CYB5A: variants seen among roughly 807,000 people sequenced by gnomAD.
The protein encoded by CYB5A is cytochrome b5.
Under a neutral mutation model 16.2 loss-of-function variants are expected in CYB5A, and 10 were observed. The observed-to-expected ratio is 0.62, with a 90% CI of 0.38 to 1.04. CYB5A has a LOEUF of 1.04. Ranked by LOEUF, CYB5A falls within the 50% of genes least tolerant of loss-of-function variation. The probability of loss-of-function intolerance (pLI) is 0.01; values close to 1 mark genes in which losing one functional copy is unlikely to be tolerated. For synonymous variants in CYB5A, 62 were observed against 57.0 expected, an observed-to-expected ratio of 1.09 and a Z score of -0.40; for missense variants, 161 against 165.9, an observed-to-expected ratio of 0.97 and a Z score of 0.16.
At chr18:74,291,208 G>A (rs1983520683) in intron 1 of CYB5A, among the ~76,000 whole-genome samples, 1 of 152,244 alleles carries the variant, frequency 6.6e-6, no homozygotes, top group Admixed American at 6.5e-5. Context: ...CTGCGGGAAT[G>A]CCGCCGGTCC....
intron 1 of CYB5A, among the ~76,000 whole-genome samples, chr18:74,283,326 A>G (rs1265343215): frequency 6.6e-6 from 1 of 152,056 alleles, no homozygotes; most frequent in East Asian, 1.9e-4. Context: ...CCTCACACAT[A>G]CCCACTACAC....
At position 74,262,765 on chromosome 18, in the gene CYB5A, C is replaced by T. The variant is rs1432739044; in HGVS notation, c.258+584G>A. Among the ~76,000 whole-genome samples the T allele has an allele frequency of 2.6e-5, 4 of 152,234 alleles. No individual in the cohort carries two copies. The South Asian group carries it at 6.2e-4, about 24-fold the overall frequency. ...GGTTGATTCTCCCCACCTTGTAAAA[C>T]GTGCTGCCCCATGGAATTTCTAGGA... is the stretch of plus-strand genomic sequence containing the variant. On this transcript the variant is annotated intron_variant, in intron 2 of 4. Coordinates refer to ENST00000340533, the MANE Select transcript of CYB5A (RefSeq NM_148923.4).
intron 1 of CYB5A, among the ~76,000 whole-genome samples, chr18:74,286,311 AT>A (rs1983317613): frequency 6.6e-6 from 1 of 152,230 alleles, no homozygotes; most frequent in African/African-American, 2.4e-5. Flanking sequence ...AAATGGGATG[AT>A]TTCCAATCTT....
chr18:74,272,212 CT>C (rs1377042203), intron 1 of CYB5A, among the ~76,000 whole-genome samples: 3 of 152,128 alleles, frequency 2.0e-5, no homozygotes, highest in African/African-American at 7.2e-5. Context: ...TCCTAAGCAA[CT>C]TTTTTGTTCT....
intron 1 of CYB5A, among the ~76,000 whole-genome samples, chr18:74,289,091 C>T (rs1419894768): frequency 5.3e-5 from 8 of 152,216 alleles, no homozygotes; most frequent in Non-Finnish European, 1.2e-4. Context: ...AGACCCCAGC[C>T]TCCTCACTCA....
chr18:74,282,706 G>C (rs925277517), intron 1 of CYB5A, among the ~76,000 whole-genome samples: 4 of 152,216 alleles, frequency 2.6e-5, no homozygotes, highest in Non-Finnish European at 5.9e-5. Context: ...AGTTTGGCTT[G>C]TTTGAGAAAC....
intron 1 of CYB5A, 40 bp from the exon 2 acceptor site, chr18:74,263,517 G>T: frequency 6.3e-7 from 1 of 1,598,784 alleles, no homozygotes; most frequent in Non-Finnish European, 8.6e-7. Flanking sequence ...TTTTTTTCAG[G>T]CAAATGAATT....
intron 1 of CYB5A, among the ~76,000 whole-genome samples, chr18:74,274,090 C>A (rs1048901887): frequency 6.6e-6 from 1 of 152,166 alleles, no homozygotes; most frequent in East Asian, 1.9e-4. Flanking sequence ...AATAAGGAGT[C>A]CACTTTCCCA....
At chr18:74,289,776 CAAAA>C (rs531814328) in intron 1 of CYB5A, among the ~76,000 whole-genome samples, 5 of 91,206 alleles carry the variant, frequency 5.5e-5, no homozygotes, top group African/African-American at 1.2e-4. Flanking sequence ...AACTCTGTCT[CAAAA>C]AAAAAAAAAA....
intron 3 of CYB5A, chr18:74,256,083 CAG>C (rs1981967562): frequency 3.0e-6 from 1 of 331,142 alleles, no homozygotes; most frequent in South Asian, 3.7e-5. Flanking sequence ...AAACTGAAAA[CAG>C]ACATTCATGT....
intron 1 of CYB5A, among the ~76,000 whole-genome samples, chr18:74,283,880 C>G (rs911734818): frequency 2.0e-5 from 3 of 152,152 alleles, no homozygotes; most frequent in Admixed American, 6.5e-5. Flanking sequence ...TAAGACATAC[C>G]GTCTTACCTT....
intron 1 of CYB5A, among the ~76,000 whole-genome samples, chr18:74,280,829 T>C (rs1188922018): frequency 1.3e-5 from 2 of 152,196 alleles, no homozygotes; most frequent in African/African-American, 4.8e-5. Context: ...GACATACGTA[T>C]GTGTCCCTCT....
In CYB5A at chr18:74,280,004, G is replaced by A. The variant is rs112760162; in HGVS notation, c.129+11743C>T. ...AACTAATAAATGAGTACATTATACC[G>A]TATGTTACAAGGTAATACATGCTAC... On this transcript the variant is annotated intron_variant, in intron 1 of 4. Coordinates refer to ENST00000340533, the MANE Select transcript of CYB5A (RefSeq NM_148923.4). 7.2e-3 allele frequency among the ~76,000 whole-genome samples: 1,092 copies of A among 152,210 alleles called. 14 individuals are homozygous for A. The highest frequency in any genetic ancestry group is 0.024 in the African/African-American group (1,017 of 41,536).
intron 1 of CYB5A, among the ~76,000 whole-genome samples, chr18:74,282,528 C>G (rs2094052980): frequency 6.6e-6 from 1 of 152,206 alleles, no homozygotes; most frequent in Admixed American, 6.5e-5. Flanking sequence ...AGGTGCACAG[C>G]AGGCGGGCAG....
chr18:74,283,816 T>C (rs1002269910), intron 1 of CYB5A, among the ~76,000 whole-genome samples: 3 of 152,216 alleles, frequency 2.0e-5, no homozygotes, highest in Admixed American at 2.0e-4. Context: ...ACTGAAGCCC[T>C]GGCTTTGCTC....
At chr18:74,284,469 T>C (rs886260477) in intron 1 of CYB5A, among the ~76,000 whole-genome samples, 7 of 152,172 alleles carry the variant, frequency 4.6e-5, no homozygotes, top group African/African-American at 1.4e-4. Context: ...TAACACTTTC[T>C]GAGGAAGACG....
chr18:74,289,123 A>T (rs1983431959), intron 1 of CYB5A, among the ~76,000 whole-genome samples: 1 of 152,198 alleles, frequency 6.6e-6, no homozygotes, highest in African/African-American at 2.4e-5. Context: ...TAGCCGTTCC[A>T]GGGGTCAGCC....
intron 3 of CYB5A, chr18:74,259,128 G>A (rs1237264033): frequency 6.6e-6 from 1 of 152,246 alleles, no homozygotes; most frequent in Non-Finnish European, 1.5e-5. Flanking sequence ...TGGGTGACAA[G>A]AGCAAAATTC....
chr18:74,258,772 C>T (rs1290541702), intron 3 of CYB5A: 1 of 152,216 alleles, frequency 6.6e-6, no homozygotes, highest in Non-Finnish European at 1.5e-5. Flanking sequence ...CTCACTGAAG[C>T]AAAGTCACAA....
Sources: allele counts gnomAD v4.1 joint callset (sites outside exome capture counted in the v4.1 genomes callset), GRCh38; gene constraint gnomAD v4.1.1; transcripts MANE v1.5; gene names NCBI Gene and HGNC (gene_info 2026-07-23, HGNC 2026-07-21).